The following TTLL7 variants were observed in gnomAD, a reference collection of about 807,000 sequenced individuals.
TTLL7 encodes the protein tubulin polyglutamylase TTLL7.
In TTLL7, 53 loss-of-function variants were observed where a neutral mutation model predicts 120.2. The observed-to-expected ratio is 0.44, with a 90% CI of 0.35 to 0.55. TTLL7 has a LOEUF of 0.55. Among genes scored for constraint, TTLL7 ranks in the 20% least tolerant of loss-of-function variants. TTLL7 has a pLI of 0.00. For synonymous variants in TTLL7, 353 were observed against 351.7 expected, an observed-to-expected ratio of 1.00 and a Z score of -0.04; for missense variants, 803 against 1,054.7, an observed-to-expected ratio of 0.76 and a Z score of 3.31.
chr1:83,990,051 GA>G (rs1159438975), intron 1 of TTLL7, among the ~76,000 whole-genome samples: 27 of 151,848 alleles, frequency 1.8e-4, no homozygotes, highest in Non-Finnish European at 3.8e-4. Flanking sequence ...CTTTTATCCT[GA>G]AACTGTATAA....
At chr1:83,955,892 C>T (rs1053971586) in intron 1 of TTLL7, among the ~76,000 whole-genome samples, 3 of 151,956 alleles carry the variant, frequency 2.0e-5, no homozygotes, top group Non-Finnish European at 4.4e-5. Context: ...TCCCAGATAC[C>T]TGGGTGGCTA....
chr1:83,921,819 GTTCTC>G (rs1343499283), intron 10 of TTLL7, among the ~76,000 whole-genome samples: 1 of 151,952 alleles, frequency 6.6e-6, no homozygotes, highest in African/African-American at 2.4e-5. Context: ...ATATGTAATG[GTTCTC>G]TTCTCCTTCT....
chr1:83,927,746 C>T (rs939925375), intron 10 of TTLL7, among the ~76,000 whole-genome samples: 7 of 152,146 alleles, frequency 4.6e-5, no homozygotes, highest in Non-Finnish European at 7.4e-5. Context: ...CAGAACAATT[C>T]GTTCTGTCCA....
intron 18 of TTLL7, chr1:83,902,129 C>T (rs1016849117): frequency 6.6e-6 from 1 of 151,570 alleles, no homozygotes. Context: ...TTAGGAAAAC[C>T]CTCCCCCTCT....
At chr1:83,883,841 A>G (rs1439853269) in intron 19 of TTLL7, among the ~76,000 whole-genome samples, 1 of 151,946 alleles carries the variant, frequency 6.6e-6, no homozygotes, top group African/African-American at 2.4e-5. Context: ...CCCTTTCAAA[A>G]CACTTTCAGA....
chr1:83,924,468 G>A (rs981461195), intron 10 of TTLL7, among the ~76,000 whole-genome samples: 1 of 152,130 alleles, frequency 6.6e-6, no homozygotes, highest in Non-Finnish European at 1.5e-5. Context: ...CAGTAACAAA[G>A]GGACAAATAC....
chr1:83,898,891 A>AT (rs1557586271), intron 18 of TTLL7, among the ~76,000 whole-genome samples: 2 of 151,658 alleles, frequency 1.3e-5, no homozygotes, highest in Admixed American at 6.6e-5. Context: ...AGTAGAAAAA[A>AT]TTTTTTTTAA....
intron 1 of TTLL7, among the ~76,000 whole-genome samples, chr1:83,954,770 T>C (rs575532692): frequency 6.6e-6 from 1 of 151,074 alleles, no homozygotes; most frequent in African/African-American, 2.4e-5. Flanking sequence ...ACACATGAAA[T>C]TATAAGAAAA....
chr1:83,975,766 C>T (rs1350803460), intron 1 of TTLL7, among the ~76,000 whole-genome samples: 2 of 152,080 alleles, frequency 1.3e-5, no homozygotes, highest in African/African-American at 2.4e-5. Flanking sequence ...GGGGCCTCCC[C>T]ATATATTCTA....
chr1:83,963,011 A>G (rs1650141989), intron 1 of TTLL7, among the ~76,000 whole-genome samples: 2 of 152,174 alleles, frequency 1.3e-5, no homozygotes, highest in South Asian at 4.1e-4. Context: ...CTAAACACAA[A>G]GTCAATGGCA....
rs1210962654 is a variant in TTLL7 at position 83,907,452 on chromosome 1, C to T, written c.1992+4G>A. 6.2e-7 allele frequency: 1 copy of T among 1,612,082 alleles called. No homozygotes were observed. The highest frequency in any genetic ancestry group is 1.3e-5 in the African/African-American group (1 of 74,944). ...ATCTTGAAAGAGCAAAACAGATGAC[C>T]TACCACTTGAGAGTTGGTAGAGCAG... is the stretch of plus-strand genomic sequence containing the variant. On this transcript the variant is annotated splice_donor_region_variant and intron_variant, in intron 16 of 20. Transcript: ENST00000260505.
chr1:83,900,076 T>G (rs1418033260), intron 18 of TTLL7: 1 of 383,272 alleles, frequency 2.6e-6, no homozygotes, highest in African/African-American at 2.1e-5. Context: ...TCACAAATAT[T>G]ATTAGTCACA....
intron 1 of TTLL7, among the ~76,000 whole-genome samples, chr1:83,991,084 A>G (rs1190790190): frequency 6.6e-6 from 1 of 152,250 alleles, no homozygotes; most frequent in Non-Finnish European, 1.5e-5. Flanking sequence ...TAAGTGAAAT[A>G]AGCCAGTTAC....
At chr1:83,950,965 TC>T (rs1294920442) in intron 3 of TTLL7, among the ~76,000 whole-genome samples, 1 of 152,130 alleles carries the variant, frequency 6.6e-6, no homozygotes, top group African/African-American at 2.4e-5. Flanking sequence ...GCACAACTGT[TC>T]CTGAGTATAT....
At chr1:83,995,008 TCTGA>T (rs1415641249) in intron 1 of TTLL7, among the ~76,000 whole-genome samples, 3 of 152,266 alleles carry the variant, frequency 2.0e-5, no homozygotes, top group East Asian at 1.9e-4. Flanking sequence ...ATTCTCCTTC[TCTGA>T]CTATCAACTC....
At chr1:83,929,400 G>A (rs984866754) in intron 9 of TTLL7, among the ~76,000 whole-genome samples, 170 bp from the exon 10 acceptor site, 12 of 152,026 alleles carry the variant, frequency 7.9e-5, no homozygotes, top group African/African-American at 2.9e-4. Context: ...CATCACCCTA[G>A]GTCAACAAAT....
chr1:83,919,263 T>A (rs1256554491), intron 13 of TTLL7, among the ~76,000 whole-genome samples: 1 of 136,674 alleles, frequency 7.3e-6, no homozygotes, highest in African/African-American at 2.8e-5. Flanking sequence ...GATTAGAGTG[T>A]GTGTGTGTGT....
rs577169591 is a variant in TTLL7, at chr1:83,951,161, A to G, written c.157+684T>C. Among the ~76,000 whole-genome samples, 364 of 152,256 alleles carry G rather than the reference A, an allele frequency of 2.4e-3. 3 individuals carry two copies. Among genetic ancestry groups the G allele is most frequent in the African/African-American group, 8.5e-3 (354 of 41,542 alleles). On this transcript the variant is annotated intron_variant, in intron 3 of 20. Coordinates refer to ENST00000260505, the MANE Select transcript of TTLL7 (RefSeq NM_024686.6). ...TCAGGAGATAGAGACCATCCTGGCT[A>G]ACACAGTGAAACCCCGTCCCTACTA...
intron 17 of TTLL7, among the ~76,000 whole-genome samples, chr1:83,905,033 T>C (rs1292708864): frequency 1.3e-5 from 2 of 151,968 alleles, no homozygotes; most frequent in Non-Finnish European, 2.9e-5. Flanking sequence ...TCTTTGATTG[T>C]TTAATTTTCT....
Sources: gnomAD v4.1 joint callset for allele counts (sites outside exome capture counted in the v4.1 genomes callset) on GRCh38, gnomAD v4.1.1 for gene constraint, MANE v1.5 for transcripts, NCBI Gene and HGNC (gene_info 2026-07-23, HGNC 2026-07-21) for gene names.